Variants in TRPC4 observed in about 807,000 individuals in gnomAD.
The protein encoded by TRPC4 is short transient receptor potential channel 4.
Under a neutral mutation model 99.4 loss-of-function variants are expected in TRPC4, and 49 were observed. The observed-to-expected ratio is 0.49, with a 90% CI of 0.39 to 0.63. The LOEUF (loss-of-function observed/expected upper bound fraction) is 0.63, where lower values mean the gene tolerates loss of function less well. Ranked by LOEUF, TRPC4 falls within the 20% of genes least tolerant of loss-of-function variation. The pLI is 0.00. For synonymous variants in TRPC4, 454 were observed against 425.9 expected (o/e 1.07, Z -0.81); for missense variants, 898 against 1,152.9 (o/e 0.78, Z 3.20).
chr13:37,795,508 G>T (rs1957222348), intron 1 of TRPC4, among the ~76,000 whole-genome samples: 1 of 152,112 alleles, frequency 6.6e-6, no homozygotes, highest in South Asian at 2.1e-4. Context: ...TCTATCAGGG[G>T]GGTAAGAAAT....
At chr13:37,726,704 C>A (rs1365748702) in intron 3 of TRPC4, among the ~76,000 whole-genome samples, 1 of 151,842 alleles carries the variant, frequency 6.6e-6, no homozygotes, top group African/African-American at 2.4e-5. Flanking sequence ...ATGCTTTCTA[C>A]AAGAGACTCA....
intron 3 of TRPC4, among the ~76,000 whole-genome samples, chr13:37,733,923 G>A (rs1955317273): frequency 6.6e-6 from 1 of 152,130 alleles, no homozygotes; most frequent in South Asian, 2.1e-4. Context: ...TAATAGGTAG[G>A]AGAAAAGGAT....
At chr13:37,766,779 C>T (rs1404126988) in intron 2 of TRPC4, among the ~76,000 whole-genome samples, 1 of 151,432 alleles carries the variant, frequency 6.6e-6, no homozygotes, top group African/African-American at 2.4e-5. Flanking sequence ...CCACATCATT[C>T]GCTAGCTTCA....
intron 2 of TRPC4, among the ~76,000 whole-genome samples, chr13:37,770,200 T>C (rs761410749): frequency 6.6e-6 from 1 of 151,490 alleles, no homozygotes; most frequent in Non-Finnish European, 1.5e-5. Flanking sequence ...TAAATATGAC[T>C]GAATTTCAGG....
At chr13:37,704,953 T>G (rs558705646) in intron 3 of TRPC4, among the ~76,000 whole-genome samples, 1 of 152,220 alleles carries the variant, frequency 6.6e-6, no homozygotes, top group African/African-American at 2.4e-5. Context: ...TAGGCATATA[T>G]CTATAAGAAG....
At chr13:37,734,776 G>A (rs1232400272) in intron 3 of TRPC4, among the ~76,000 whole-genome samples, 1 of 152,120 alleles carries the variant, frequency 6.6e-6, no homozygotes, top group Admixed American at 6.6e-5. Flanking sequence ...TAAGGGCATG[G>A]AGAAAAATAA....
At chr13:37,745,111 T>G (rs1335852083) in intron 3 of TRPC4, among the ~76,000 whole-genome samples, 1 of 151,996 alleles carries the variant, frequency 6.6e-6, no homozygotes, top group African/African-American at 2.4e-5. Flanking sequence ...AATAAAACAA[T>G]ACCATATAAT....
At chr13:37,692,520 T>C (rs531616100) in intron 3 of TRPC4, among the ~76,000 whole-genome samples, 185 bp from the exon 4 acceptor site, 15 of 152,362 alleles carry the variant, frequency 9.8e-5, no homozygotes, top group African/African-American at 2.6e-4. Flanking sequence ...ATATTTATTC[T>C]ACCCAAGGCA....
At chr13:37,644,889 A>AAAAG (rs1566063845) in intron 8 of TRPC4, among the ~76,000 whole-genome samples, 7 of 150,746 alleles carry the variant, frequency 4.6e-5, no homozygotes, top group East Asian at 1.9e-4. Flanking sequence ...AAAAAAAAAA[A>AAAAG]AAAGAAAGAA....
intron 3 of TRPC4, among the ~76,000 whole-genome samples, chr13:37,692,582 A>C (rs1036317324): frequency 6.6e-6 from 1 of 152,224 alleles, no homozygotes; most frequent in African/African-American, 2.4e-5. Context: ...CTGTGGCTGC[A>C]CTTGAGGAAG....
chr13:37,853,394 T>C (rs969530452), intron 1 of TRPC4, among the ~76,000 whole-genome samples: 3 of 152,140 alleles, frequency 2.0e-5, no homozygotes, highest in African/African-American at 7.2e-5. Context: ...ATTTCAGTGA[T>C]ATTGGGCTTG....
chr13:37,735,503 T>A (rs923696684), intron 3 of TRPC4, among the ~76,000 whole-genome samples: 2 of 152,146 alleles, frequency 1.3e-5, no homozygotes, highest in Admixed American at 6.5e-5. Flanking sequence ...ATGTGAACAT[T>A]TGTACAACAG....
At chr13:37,681,286 T>C (rs1461035890) in intron 4 of TRPC4, among the ~76,000 whole-genome samples, 1 of 152,158 alleles carries the variant, frequency 6.6e-6, no homozygotes, top group African/African-American at 2.4e-5. Flanking sequence ...CTGATTTTCT[T>C]GACCACCCAA....
chr13:37,775,932 CCTATAATTTG>C (rs1956688087), intron 2 of TRPC4, among the ~76,000 whole-genome samples: 1 of 151,608 alleles, frequency 6.6e-6, no homozygotes, highest in South Asian at 2.1e-4. Flanking sequence ...CGATTATTTA[CCTATAATTTG>C]CTGGTCTTCA....
At chr13:37,825,260 G>T (rs1416210759) in intron 1 of TRPC4, among the ~76,000 whole-genome samples, 1 of 151,616 alleles carries the variant, frequency 6.6e-6, no homozygotes, top group Non-Finnish European at 1.5e-5. Flanking sequence ...GGTTTTTTGT[G>T]TCTCTATTTC....
At chr13:37,800,514 A>G (rs1165322275) in intron 1 of TRPC4, among the ~76,000 whole-genome samples, 1 of 152,182 alleles carries the variant, frequency 6.6e-6, no homozygotes. Flanking sequence ...TGCATTTAGT[A>G]TTTAGTTGTT....
At chr13:37,794,202 G>C (rs1323336381) in intron 1 of TRPC4, among the ~76,000 whole-genome samples, 5 of 99,478 alleles carry the variant, frequency 5.0e-5, no homozygotes, top group African/African-American at 1.8e-4. Context: ...ATGGGTAATT[G>C]GTGGTTTTTT....
chr13:37,842,356 AAAAAAAAAAAAAAAGG>A (rs1233857678), intron 1 of TRPC4, among the ~76,000 whole-genome samples: 9 of 144,296 alleles, frequency 6.2e-5, no homozygotes, highest in African/African-American at 2.1e-4. Context: ...AAAAAAAAAA[AAAAAAAAAAAAAAAGG>A]AAAAGGAAAA....
At chr13:37,762,425 T>C (rs1956247462) in intron 2 of TRPC4, among the ~76,000 whole-genome samples, 1 of 151,638 alleles carries the variant, frequency 6.6e-6, no homozygotes, top group Admixed American at 6.6e-5. Flanking sequence ...CACGTATGTT[T>C]ATTGCGGCAC....
Sources: allele counts gnomAD v4.1 joint callset (sites outside exome capture counted in the v4.1 genomes callset), GRCh38; gene constraint gnomAD v4.1.1; transcripts MANE v1.5; gene names NCBI Gene and HGNC (gene_info 2026-07-23, HGNC 2026-07-21).